The following CPED1 variants were observed in gnomAD, a reference collection of about 807,000 sequenced individuals.
The protein encoded by CPED1 is cadherin like and PC-esterase domain containing 1.
Under a neutral mutation model 128.2 loss-of-function variants are expected in CPED1, and 114 were observed. The observed-to-expected ratio is 0.89, with a 90% CI of 0.76 to 1.04. The LOEUF (loss-of-function observed/expected upper bound fraction) is 1.04. Ranked by LOEUF, CPED1 falls within the 50% of genes least tolerant of loss-of-function variation. The probability of loss-of-function intolerance (pLI) is 0.00; values close to 1 mark genes in which losing one functional copy is unlikely to be tolerated. For missense variants in CPED1, 1,211 were observed against 1,207.1 expected (o/e 1.00, Z -0.05); for synonymous variants, 462 against 426.7 (o/e 1.08, Z -1.02).
intron 5 of CPED1, among the ~76,000 whole-genome samples, chr7:121,092,000 A>G (rs190166939): frequency 5.2e-4 from 79 of 152,256 alleles, no homozygotes; most frequent in South Asian, 1.0e-3. Context: ...CTAAATCCTT[A>G]ACTTTCTCAG....
intron 18 of CPED1, among the ~76,000 whole-genome samples, chr7:121,262,919 G>A (rs1294054628): frequency 6.6e-6 from 1 of 151,990 alleles, no homozygotes; most frequent in Non-Finnish European, 1.5e-5. Context: ...TACAAAAATT[G>A]CTTTTCCAAC....
chr7:121,155,647 G>T (rs1032810097), intron 16 of CPED1, among the ~76,000 whole-genome samples: 1 of 152,154 alleles, frequency 6.6e-6, no homozygotes, highest in Admixed American at 6.5e-5. Flanking sequence ...GGGAAAACTG[G>T]ATAACTATAT....
At chr7:121,040,506 T>A (rs1275266088) in intron 3 of CPED1, among the ~76,000 whole-genome samples, 1 of 152,076 alleles carries the variant, frequency 6.6e-6, no homozygotes, top group Non-Finnish European at 1.5e-5. Flanking sequence ...TTAACTTATA[T>A]CCAACTAATC....
chr7:121,143,798 T>C (rs1017398522), intron 16 of CPED1, among the ~76,000 whole-genome samples: 1 of 151,986 alleles, frequency 6.6e-6, no homozygotes, highest in Non-Finnish European at 1.5e-5. Flanking sequence ...GATTCAGCAG[T>C]CCTTCTAGCT....
rs1054867587 is a variant in CPED1 at position 121,266,269 on chromosome 7, T to G, written c.2353T>G (p.Tyr785Asp). The change falls in exon 19 of 23, where the codon TAT (tyrosine) becomes GAT (aspartate). Residue 785 changes from tyrosine (Y) to aspartate (D), a missense_variant. Coordinates refer to ENST00000310396, the MANE Select transcript of CPED1 (RefSeq NM_024913.5). ...GDSTNRGIMY[Y>D]LIERLNETLQ... ...TTCAACCAACAGAGGGATCATGTAC[T>G]ATCTTATTGAAAGGCTGAATGAAAC... 6.2e-7 allele frequency: 1 copy of G among 1,613,118 alleles called. No individual in the cohort carries two copies. Among genetic ancestry groups the G allele is most frequent in the Non-Finnish European group, 8.5e-7 (1 of 1,179,338 alleles).
chr7:121,222,174 AGCTAGCCAGTTTT>A (rs1386473977), intron 16 of CPED1, among the ~76,000 whole-genome samples: 1 of 152,006 alleles, frequency 6.6e-6, no homozygotes, highest in African/African-American at 2.4e-5. Flanking sequence ...TTCTACATGT[AGCTAGCCAGTTTT>A]CCCAGCACCA....
intron 2 of CPED1, among the ~76,000 whole-genome samples, chr7:120,997,715 G>A (rs1796430624): frequency 6.6e-6 from 1 of 152,090 alleles, no homozygotes; most frequent in African/African-American, 2.4e-5. Flanking sequence ...GAGGTCAGGA[G>A]TTTGAGACCA....
At chr7:121,217,988 A>ATTTT (rs35530961) in intron 16 of CPED1, among the ~76,000 whole-genome samples, 1 of 144,022 alleles carries the variant, frequency 6.9e-6, no homozygotes, top group Admixed American at 7.0e-5. Context: ...GTTTTTGCCA[A>ATTTT]TTTTTTTTTT....
At chr7:121,024,061 A>C (rs1383252361) in intron 3 of CPED1, among the ~76,000 whole-genome samples, 1 of 152,080 alleles carries the variant, frequency 6.6e-6, no homozygotes, top group Non-Finnish European at 1.5e-5. Context: ...GCACTATTCT[A>C]TTTTACTGGG....
intron 16 of CPED1, among the ~76,000 whole-genome samples, chr7:121,144,227 T>C (rs1270087910): frequency 1.3e-5 from 2 of 152,066 alleles, no homozygotes; most frequent in Admixed American, 6.6e-5. Context: ...ATTGAAAAGC[T>C]ATCTGCATTC....
chr7:121,030,019 A>G (rs1792689760), intron 3 of CPED1, among the ~76,000 whole-genome samples: 1 of 152,184 alleles, frequency 6.6e-6, no homozygotes, highest in South Asian at 2.1e-4. Flanking sequence ...TTACATGTTT[A>G]TGGTGGAATA....
intron 16 of CPED1, among the ~76,000 whole-genome samples, chr7:121,195,332 G>A (rs1797247658): frequency 6.6e-6 from 1 of 152,010 alleles, no homozygotes; most frequent in South Asian, 2.1e-4. Context: ...TCTTTCCATA[G>A]TTTAATTACT....
intron 16 of CPED1, among the ~76,000 whole-genome samples, chr7:121,190,269 C>T (rs1301651671): frequency 6.6e-6 from 1 of 150,456 alleles, no homozygotes; most frequent in Non-Finnish European, 1.5e-5. Context: ...ACAGTGAGTG[C>T]AAAAGCCCTG....
At chr7:121,257,568 C>T (rs1188623109) in intron 18 of CPED1, among the ~76,000 whole-genome samples, 2 of 151,878 alleles carry the variant, frequency 1.3e-5, no homozygotes, top group African/African-American at 4.8e-5. Context: ...TGTATACACT[C>T]ATATTTCACA....
intron 7 of CPED1, among the ~76,000 whole-genome samples, chr7:121,110,481 T>G (rs995089806): frequency 1.3e-5 from 2 of 152,164 alleles, no homozygotes; most frequent in African/African-American, 2.4e-5. Flanking sequence ...ATAGGTGATA[T>G]CTGAGCTATA....
intron 3 of CPED1, among the ~76,000 whole-genome samples, chr7:121,026,197 A>G (rs376804319): frequency 6.6e-6 from 1 of 152,194 alleles, no homozygotes; most frequent in Non-Finnish European, 1.5e-5. Flanking sequence ...AAACAAACAA[A>G]AAAACAAAAA....
At chr7:121,092,895 C>T (rs1373525493) in intron 5 of CPED1, among the ~76,000 whole-genome samples, 5 of 152,198 alleles carry the variant, frequency 3.3e-5, no homozygotes, top group Non-Finnish European at 7.4e-5. Context: ...ATATTTAAAT[C>T]ATAACTTTGT....
chr7:121,129,289 A>ATATATATATATATATACACG (rs1554438748), intron 11 of CPED1, among the ~76,000 whole-genome samples: 11 of 93,336 alleles, frequency 1.2e-4, no homozygotes, highest in South Asian at 3.5e-4. Flanking sequence ...GTATATATGT[A>ATATATATATATATATACACG]TATATATATA....
At chr7:121,178,135 T>G (rs1280738124) in intron 16 of CPED1, among the ~76,000 whole-genome samples, 1 of 152,030 alleles carries the variant, frequency 6.6e-6, no homozygotes, top group East Asian at 1.9e-4. Flanking sequence ...CCTCACTTTT[T>G]GGCATGCAGC....
Sources: allele counts gnomAD v4.1 joint callset (sites outside exome capture counted in the v4.1 genomes callset), GRCh38; gene constraint gnomAD v4.1.1; transcripts MANE v1.5; gene names NCBI Gene and HGNC (gene_info 2026-07-23, HGNC 2026-07-21).